The following ZHX2 variants were observed in gnomAD, a reference collection of about 807,000 sequenced individuals.
ZHX2 encodes zinc fingers and homeoboxes 2.
Under a neutral mutation model 21.9 loss-of-function variants are expected in ZHX2, and 6 were observed. That is an observed-to-expected ratio of 0.27 (90% CI 0.15 to 0.54). The LOEUF is 0.54. ZHX2 is among the 20% of genes least tolerant of loss of function. The pLI is 0.95. For missense variants in ZHX2, 908 were observed against 1,090.7 expected (o/e 0.83, Z 2.36); for synonymous variants, 434 against 437.1 (o/e 0.99, Z 0.09).
chr8:122,867,567 T>C (rs546206146), intron 2 of ZHX2, among the ~76,000 whole-genome samples: 2 of 152,316 alleles, frequency 1.3e-5, no homozygotes, highest in South Asian at 4.1e-4. Flanking sequence ...GCCAGGGAAT[T>C]TGAATTAGAG....
intron 1 of ZHX2, among the ~76,000 whole-genome samples, chr8:122,838,637 T>A (rs1164899482): frequency 6.8e-6 from 1 of 146,170 alleles, no homozygotes; most frequent in Non-Finnish European, 1.5e-5. Flanking sequence ...GTGCAGTGGC[T>A]CGATCTCGGC....
chr8:122,851,516 A>G (rs548144269), intron 1 of ZHX2, among the ~76,000 whole-genome samples: 1 of 152,292 alleles, frequency 6.6e-6, no homozygotes, highest in African/African-American at 2.4e-5. Flanking sequence ...TTTTTCTTCA[A>G]AACATTTAGT....
intron 1 of ZHX2, among the ~76,000 whole-genome samples, chr8:122,842,547 C>T (rs550247414): frequency 1.7e-4 from 26 of 151,104 alleles, no homozygotes; most frequent in Non-Finnish European, 3.5e-4. Context: ...CTACTAAAAA[C>T]ACAAAAAAAT....
chr8:122,794,261 C>CT (rs958473862), intron 1 of ZHX2, among the ~76,000 whole-genome samples: 2 of 143,132 alleles, frequency 1.4e-5, no homozygotes, highest in African/African-American at 5.1e-5. Context: ...CCAGAGTTGA[C>CT]TTTTTTTTCC....
At chr8:122,847,848 C>G (rs1286561474) in intron 1 of ZHX2, among the ~76,000 whole-genome samples, 1 of 152,218 alleles carries the variant, frequency 6.6e-6, no homozygotes, top group African/African-American at 2.4e-5. Context: ...GCCTGAGGAA[C>G]CAGGAGTGTG....
intron 2 of ZHX2, among the ~76,000 whole-genome samples, chr8:122,918,827 A>G (rs1352704728): frequency 6.6e-6 from 1 of 151,890 alleles, no homozygotes; most frequent in Admixed American, 6.6e-5. Flanking sequence ...ATGCACCTGT[A>G]GTCCCAGCTA....
chr8:122,910,464 G>GT (rs1820450357), intron 2 of ZHX2, among the ~76,000 whole-genome samples: 2 of 152,194 alleles, frequency 1.3e-5, no homozygotes, highest in South Asian at 4.1e-4. Context: ...TGATGTATCC[G>GT]TGAGTTGTGA....
At chr8:122,956,958 A>G (rs891344814) in intron 3 of ZHX2, among the ~76,000 whole-genome samples, 1 of 152,154 alleles carries the variant, frequency 6.6e-6, no homozygotes, top group Non-Finnish European at 1.5e-5. Flanking sequence ...CCAGTGGCCC[A>G]AAGAAGACAG....
At chr8:122,837,935 A>C (rs916789775) in intron 1 of ZHX2, among the ~76,000 whole-genome samples, 3 of 152,218 alleles carry the variant, frequency 2.0e-5, no homozygotes, top group African/African-American at 7.2e-5. Context: ...ACTGATCCAC[A>C]ACCCAGCCAA....
At chr8:122,802,166 C>T (rs920318697) in intron 1 of ZHX2, among the ~76,000 whole-genome samples, 5 of 152,172 alleles carry the variant, frequency 3.3e-5, no homozygotes, top group African/African-American at 9.7e-5. Context: ...CCGGTTCCAG[C>T]GATTTTCCTG....
chr8:122,871,111 G>T (rs1307149909), intron 2 of ZHX2, among the ~76,000 whole-genome samples: 2 of 152,166 alleles, frequency 1.3e-5, no homozygotes, highest in African/African-American at 4.8e-5. Flanking sequence ...TCCTGGCCCA[G>T]CCAAGTGCTA....
At chr8:122,858,374 T>C (rs949647402) in intron 1 of ZHX2, among the ~76,000 whole-genome samples, 21 of 152,256 alleles carry the variant, frequency 1.4e-4, no homozygotes, top group African/African-American at 9.6e-5. Flanking sequence ...ATTTCTCTTC[T>C]ACAGGCCTTT....
chr8:122,970,041 G>A (rs1201420201), intron 3 of ZHX2, among the ~76,000 whole-genome samples: 1 of 152,198 alleles, frequency 6.6e-6, no homozygotes, highest in Non-Finnish European at 1.5e-5. Context: ...TGTTCACCGA[G>A]AGCCTGGACA....
chr8:122,957,960 A>T (rs532944689), intron 3 of ZHX2, among the ~76,000 whole-genome samples: 1 of 152,386 alleles, frequency 6.6e-6, no homozygotes, highest in African/African-American at 2.4e-5. Context: ...ATAAATATTC[A>T]GTGATGTCCC....
chr8:122,938,069 G>T (rs1481068562), intron 2 of ZHX2, among the ~76,000 whole-genome samples: 2 of 151,600 alleles, frequency 1.3e-5, no homozygotes, highest in African/African-American at 4.9e-5. Context: ...CCAAGTAGCT[G>T]GGACTACAGG....
intron 1 of ZHX2, chr8:122,809,078 G>A (rs899115505): frequency 6.6e-6 from 1 of 152,228 alleles, no homozygotes; most frequent in Non-Finnish European, 1.5e-5. Context: ...AAGCTGTGAG[G>A]TTCTTGGAAA....
Position 122,951,701 on chromosome 8 carries a change from A to G in ZHX2, c.191A>G (p.Lys64Arg), listed in dbSNP as rs1189439245. Residue 64 changes from lysine to arginine, a missense_variant, in exon 3 of 4, where the codon AAA (lysine) becomes AGA (arginine). Physicochemically the swap from Lys to Arg is conservative, Grantham distance 26. This residue lies in a region of ZHX2 where 220 missense variants were observed against 251.4 expected (regional missense o/e 0.88). Transcript: ENST00000314393. ...SSKENEVIEV[K>R]SMGESQSKKL... ...AAAGAAAACGAAGTGATAGAGGTGA[A>G]ATCTATGGGGGAAAGCCAGTCCAAA... 2 of 1,613,980 alleles carry G rather than the reference A, an allele frequency of 1.2e-6. No individual in the cohort carries two copies. Among genetic ancestry groups the G allele is most frequent in the East Asian group, 2.2e-5 (1 of 44,884 alleles).
intron 1 of ZHX2, among the ~76,000 whole-genome samples, chr8:122,830,526 C>T (rs755309027): frequency 5.3e-5 from 8 of 151,978 alleles, no homozygotes; most frequent in East Asian, 1.9e-4. Context: ...GGTGTGGGCA[C>T]GTTGGAAAAA....
chr8:122,872,757 G>A (rs544392019), intron 2 of ZHX2, among the ~76,000 whole-genome samples: 20 of 152,316 alleles, frequency 1.3e-4, no homozygotes, highest in East Asian at 3.9e-4. Context: ...AAGGCGGTTC[G>A]TTCGTGTAAT....
Sources: allele counts gnomAD v4.1 joint callset (sites outside exome capture counted in the v4.1 genomes callset), GRCh38; gene constraint gnomAD v4.1.1; regional missense constraint gnomAD v4.1.1; transcripts MANE v1.5; gene names NCBI Gene and HGNC (gene_info 2026-07-23, HGNC 2026-07-21).